The following RAP2A variants were observed in gnomAD, a reference collection of about 807,000 sequenced individuals.
RAP2A encodes ras-related protein Rap-2a.
A neutral mutation model predicts 15.1 loss-of-function variants in RAP2A; 5 were observed. That is an observed-to-expected ratio of 0.33 (90% CI 0.17 to 0.70). The LOEUF (loss-of-function observed/expected upper bound fraction) is 0.70, where lower values mean the gene tolerates loss of function less well. Ranked by LOEUF, RAP2A falls within the 30% of genes least tolerant of loss-of-function variation. RAP2A has a pLI of 0.68. For missense variants in RAP2A, 111 were observed against 240.3 expected (o/e 0.46, Z 3.56); for synonymous variants, 110 against 99.7 (o/e 1.10, Z -0.62).
intron 1 of RAP2A, among the ~76,000 whole-genome samples, chr13:97,462,066 TTATATATTA>T (rs1334308499): frequency 1.4e-5 from 2 of 145,842 alleles, no homozygotes; most frequent in African/African-American, 2.5e-5. Context: ...ATATATATAT[TTATATATTA>T]TATATATTGT....
intron 1 of RAP2A, among the ~76,000 whole-genome samples, chr13:97,453,159 G>A (rs2066709737): frequency 6.6e-6 from 1 of 150,932 alleles, no homozygotes; most frequent in Non-Finnish European, 1.5e-5. Context: ...AATTACATAT[G>A]TAATTACCTT....
intron 1 of RAP2A, among the ~76,000 whole-genome samples, chr13:97,450,609 C>G: frequency 6.6e-6 from 1 of 151,704 alleles, no homozygotes; most frequent in Non-Finnish European, 1.5e-5. Flanking sequence ...AAATACAGAT[C>G]AATGACCACT....
At position 97,465,129 on chromosome 13, in the gene RAP2A, C is replaced by G. The variant is rs1456675154; in HGVS notation, c.*687C>G. 6.6e-6 allele frequency: 1 copy of G among 152,228 alleles called. No homozygotes were observed. Among genetic ancestry groups the G allele is most frequent in the African/African-American group, 2.4e-5 (1 of 41,446 alleles). The allele number at this position is 152,228 out of a possible 1,614,324, so 9.4% of individuals were successfully genotyped here. A position where few individuals can be genotyped will look rare whatever the true frequency, so the allele number is the denominator to read the frequency against. ...AGTCTGGCTTTAGAATTTGTTAATTCACCTGCTTTGCCACAGAAAATGGAG... is the reference window on the plus strand; with the variant it reads ...AGTCTGGCTTTAGAATTTGTTAATTGACCTGCTTTGCCACAGAAAATGGAG... On this transcript the variant is annotated 3_prime_UTR_variant, in exon 2 of 2. Transcript: ENST00000245304.
At chr13:97,446,127 T>C (rs1265656567) in intron 1 of RAP2A, among the ~76,000 whole-genome samples, 1 of 152,192 alleles carries the variant, frequency 6.6e-6, no homozygotes. Flanking sequence ...AAGGTGACTG[T>C]ATGTCTCTTT....
intron 1 of RAP2A, among the ~76,000 whole-genome samples, chr13:97,461,526 T>G (rs1316598439): frequency 5.3e-5 from 8 of 152,204 alleles, no homozygotes; most frequent in Non-Finnish European, 5.9e-5. Context: ...GAGAATTAGG[T>G]TGATGGTAAG....
rs1325944197 is a variant in RAP2A, at chr13:97,468,570, T to C, written c.*4128T>C. On this transcript the variant is annotated 3_prime_UTR_variant, in exon 2 of 2. Transcript: ENST00000245304. ...CCTTTTGGTTATGTTGCCTTCAAAC[T>C]CTGTTGAAATCCTCTGGCAGCATTC... 6.6e-6 allele frequency: 1 copy of C among 152,222 alleles called. No individual in the cohort carries two copies. The highest frequency in any genetic ancestry group is 1.5e-5 in the Non-Finnish European group (1 of 68,052). 9.4% of individuals were successfully genotyped at this position (152,222 alleles called of 1,614,324 possible).
intron 1 of RAP2A, among the ~76,000 whole-genome samples, chr13:97,439,015 G>A (rs971792626): frequency 2.6e-5 from 4 of 152,300 alleles, no homozygotes; most frequent in African/African-American, 9.6e-5. Flanking sequence ...AACACTTCCA[G>A]TTGGGGCAGT....
chr13:97,462,062 A>ATT (rs2066750205), intron 1 of RAP2A, among the ~76,000 whole-genome samples: 1 of 142,600 alleles, frequency 7.0e-6, no homozygotes, highest in African/African-American at 2.6e-5. Context: ...ATTTATATAT[A>ATT]TATTTATATA....
intron 1 of RAP2A, among the ~76,000 whole-genome samples, chr13:97,460,114 T>C (rs2066740156): frequency 6.6e-6 from 1 of 152,230 alleles, no homozygotes; most frequent in Admixed American, 6.5e-5. Context: ...TTTGGAGTTC[T>C]GCTGTTGAGT....
chr13:97,462,927 C>T (rs974016738), intron 1 of RAP2A, among the ~76,000 whole-genome samples: 2 of 152,202 alleles, frequency 1.3e-5, no homozygotes, highest in Admixed American at 6.5e-5. Context: ...TAACCACCTG[C>T]CTATTATCCA....
chr13:97,438,364 A>G (rs987278123), intron 1 of RAP2A, among the ~76,000 whole-genome samples: 2 of 151,994 alleles, frequency 1.3e-5, no homozygotes, highest in Non-Finnish European at 2.9e-5. Flanking sequence ...CCCAGACCTT[A>G]AGTCCTTGAA....
Position 97,434,476 on chromosome 13 carries a change from C to G in RAP2A, c.6C>G (p.Arg2=). The G allele has an allele frequency of 3.8e-6, 6 of 1,599,452 alleles. No homozygotes were observed. In the South Asian group the frequency reaches 5.6e-5, roughly 15 times the overall value. ...GCGGCGGCCGCGGAGGGACGATGCG[C>G]GAGTACAAAGTGGTGGTGCTGGGCT... M[R]EYKVVVLGSG... is the part of the protein sequence containing the mutation. Residue 2 remains arginine, a synonymous_variant, in exon 1 of 2, where the codon CGC becomes CGG. Coordinates refer to ENST00000245304, the MANE Select transcript of RAP2A (RefSeq NM_021033.7).
chr13:97,457,757 G>A (rs1011773553), intron 1 of RAP2A, among the ~76,000 whole-genome samples: 4 of 152,088 alleles, frequency 2.6e-5, no homozygotes, highest in African/African-American at 9.7e-5. Context: ...TATCAAAATA[G>A]TTATAGTGAT....
At chr13:97,445,376 A>G (rs994175177) in intron 1 of RAP2A, among the ~76,000 whole-genome samples, 1 of 152,204 alleles carries the variant, frequency 6.6e-6, no homozygotes, top group Non-Finnish European at 1.5e-5. Flanking sequence ...TTAAGTAGCC[A>G]CATACATACA....
chr13:97,439,757 G>T (rs1187544966), intron 1 of RAP2A, among the ~76,000 whole-genome samples: 1 of 152,170 alleles, frequency 6.6e-6, no homozygotes, highest in African/African-American at 2.4e-5. Context: ...AGGAATGAAT[G>T]AATATAGCCA....
At position 97,464,531 on chromosome 13, in the gene RAP2A, C is replaced by T. The variant is rs1015472016; in HGVS notation, c.*89C>T. ...ACTCCACTGCAGAACTTGCAGAATG[C>T]GTGGTGTTAATCTACAGAGAACTGC... is the stretch of plus-strand genomic sequence containing the variant. On this transcript the variant is annotated 3_prime_UTR_variant, in exon 2 of 2. Coordinates refer to ENST00000245304, the MANE Select transcript of RAP2A (RefSeq NM_021033.7). 1.2e-4 allele frequency: 142 copies of T among 1,207,224 alleles called. No individual in the cohort carries two copies. In the Admixed American group the frequency reaches 1.6e-3, roughly 13 times the overall value. The allele number at this position is 1,207,224 out of a possible 1,614,324, so 74.8% of individuals were successfully genotyped here.
At chr13:97,453,855 G>A (rs192731893) in intron 1 of RAP2A, among the ~76,000 whole-genome samples, 36 of 150,960 alleles carry the variant, frequency 2.4e-4, no homozygotes, top group Non-Finnish European at 4.7e-4. Flanking sequence ...CAGCATTTTA[G>A]TGTTGTCACT....
intron 1 of RAP2A, among the ~76,000 whole-genome samples, chr13:97,461,887 C>T (rs1001757556): frequency 6.7e-6 from 1 of 150,262 alleles, no homozygotes; most frequent in Non-Finnish European, 1.5e-5. Context: ...GGCGTGAACC[C>T]GGGAGGCGGA....
Position 97,465,973 on chromosome 13 carries a change from C to T in RAP2A, c.*1531C>T, listed in dbSNP as rs374099275. ...GGTTTCACAGTCTTGTGCAAGTAACCTCTGGTCTTACGTGTGTAACTGAGA... is the reference window on the plus strand; with the variant it reads ...GGTTTCACAGTCTTGTGCAAGTAACTTCTGGTCTTACGTGTGTAACTGAGA... On this transcript the variant is annotated 3_prime_UTR_variant, in exon 2 of 2. Transcript: ENST00000245304. The T allele has an allele frequency of 3.9e-5, 6 of 152,158 alleles. No individual in the cohort carries two copies. The South Asian group carries it at 6.2e-4, about 16-fold the overall frequency. The allele number at this position is 152,158 out of a possible 1,614,324, so 9.4% of individuals were successfully genotyped here.
Sources: gnomAD v4.1 joint callset for allele counts (sites outside exome capture counted in the v4.1 genomes callset) on GRCh38, gnomAD v4.1.1 for gene constraint, MANE v1.5 for transcripts, NCBI Gene and HGNC (gene_info 2026-07-23, HGNC 2026-07-21) for gene names.